LARGE1: variants seen among roughly 807,000 people sequenced by gnomAD.
LARGE1 encodes the protein xylosyl- and glucuronyltransferase LARGE1.
Under a neutral mutation model 87.6 loss-of-function variants are expected in LARGE1, and 43 were observed. The observed-to-expected ratio is 0.49, with a 90% CI of 0.38 to 0.63. The LOEUF (loss-of-function observed/expected upper bound fraction) is 0.63. Among genes scored for constraint, LARGE1 ranks in the 30% least tolerant of loss-of-function variants. The probability of loss-of-function intolerance (pLI) is 0.00; values close to 1 mark genes in which losing one functional copy is unlikely to be tolerated. For synonymous variants in LARGE1, 434 were observed against 394.6 expected, an observed-to-expected ratio of 1.10 and a Z score of -1.18; for missense variants, 802 against 1,000.2, an observed-to-expected ratio of 0.80 and a Z score of 2.67.
At chr22:33,267,725 G>A (rs1328218203), downstream of LARGE1, among the ~76,000 whole-genome samples, 2 of 151,246 alleles carry the variant, frequency 1.3e-5, no homozygotes, top group East Asian at 3.9e-4. Context: ...GCCTCTATGC[G>A]CTCCCATTGC....
chr22:33,524,153 T>C (rs1430400918), intron 6 of LARGE1, among the ~76,000 whole-genome samples: 3 of 151,904 alleles, frequency 2.0e-5, no homozygotes. Context: ...TAGCAGGGCG[T>C]GGTGGCACAC....
At chr22:33,653,262 T>C (rs1368231129) in intron 2 of LARGE1, among the ~76,000 whole-genome samples, 1 of 152,204 alleles carries the variant, frequency 6.6e-6, no homozygotes, top group Non-Finnish European at 1.5e-5. Flanking sequence ...GTAATAGTTA[T>C]CCCTATTACT....
intron 6 of LARGE1, among the ~76,000 whole-genome samples, chr22:33,441,986 T>C (rs2067496765): frequency 6.6e-6 from 1 of 152,116 alleles, no homozygotes; most frequent in Admixed American, 6.6e-5. Flanking sequence ...AGCCCTCCTT[T>C]CACTTGGAAA....
chr22:33,389,847 AAACC>A (rs143324200), intron 7 of LARGE1, among the ~76,000 whole-genome samples: 6,250 of 140,054 alleles, frequency 0.045, 149 homozygotes, highest in Non-Finnish European at 0.062. Flanking sequence ...TCAGTCTCAA[AAACC>A]AACCAACCAA....
At chr22:33,909,443 A>G (rs901582217) in intron 1 of LARGE1, among the ~76,000 whole-genome samples, 10 of 151,758 alleles carry the variant, frequency 6.6e-5, no homozygotes, top group Non-Finnish European at 1.5e-4. Context: ...CAGGGCCTTT[A>G]GCACACCACA....
At chr22:33,438,907 A>G (rs192309475) in intron 6 of LARGE1, among the ~76,000 whole-genome samples, 74 of 152,218 alleles carry the variant, frequency 4.9e-4, no homozygotes, top group African/African-American at 1.7e-3. Context: ...ATGGATATTG[A>G]GATCAGATTA....
chr22:33,881,682 C>A (rs2064688095), intron 1 of LARGE1, among the ~76,000 whole-genome samples: 1 of 152,164 alleles, frequency 6.6e-6, no homozygotes, highest in Non-Finnish European at 1.5e-5. Context: ...AGAATATAGA[C>A]CCATGGACCT....
intron 5 of LARGE1, among the ~76,000 whole-genome samples, chr22:33,569,475 T>C (rs1488151493): frequency 6.6e-6 from 1 of 152,206 alleles, no homozygotes; most frequent in Admixed American, 6.5e-5. Context: ...AGTGTTCAAT[T>C]AGTTGTAAAG....
At chr22:33,523,165 C>T (rs1185031972) in intron 6 of LARGE1, among the ~76,000 whole-genome samples, 2 of 151,790 alleles carry the variant, frequency 1.3e-5, no homozygotes, top group African/African-American at 4.8e-5. Flanking sequence ...CCAGCACACC[C>T]AGATAATTTT....
At chr22:33,719,582 A>G (rs951500411) in intron 2 of LARGE1, among the ~76,000 whole-genome samples, 2 of 151,690 alleles carry the variant, frequency 1.3e-5, no homozygotes, top group Non-Finnish European at 2.9e-5. Context: ...GTGTAGTGGC[A>G]CAGTCTCGGC....
chr22:33,708,748 G>A (rs1402335755), intron 2 of LARGE1, among the ~76,000 whole-genome samples: 1 of 152,186 alleles, frequency 6.6e-6, no homozygotes, highest in Non-Finnish European at 1.5e-5. Flanking sequence ...TTGCAGGCAT[G>A]TGCTACCACA....
chr22:33,143,814 C>T, the LARGE1 span, among the ~76,000 whole-genome samples: 1 of 152,162 alleles, frequency 6.6e-6, no homozygotes, highest in East Asian at 1.9e-4. Context: ...AGTACATAAA[C>T]AAGAGTATGA....
At chr22:33,251,282 T>A (rs560560327) in intron 11 of LARGE1, among the ~76,000 whole-genome samples, 60 of 152,326 alleles carry the variant, frequency 3.9e-4, no homozygotes, top group African/African-American at 1.3e-3. Context: ...ACGTGCCTCT[T>A]CTTTACTCCT....
At chr22:33,827,350 A>G (rs940950950) in intron 1 of LARGE1, among the ~76,000 whole-genome samples, 2 of 152,090 alleles carry the variant, frequency 1.3e-5, no homozygotes, top group Admixed American at 1.3e-4. Context: ...AGCCTGGGTG[A>G]CAGAGCAAGA....
At position 33,831,749 on chromosome 22, in the gene LARGE1, TACACACAC is replaced by T. The variant is rs5845118; in HGVS notation, c.-82-70199_-82-70192del. On this transcript the variant is annotated intron_variant, in intron 1 of 14. Coordinates refer to ENST00000397394, the MANE Select transcript of LARGE1 (RefSeq NM_133642.5). ...CTAACACAACACACACACATGCATG[TACACACAC>T]ACACACACACACACACACACACACA... Among the ~76,000 whole-genome samples the T allele has an allele frequency of 7.8e-4, 115 of 146,828 alleles. 1 individual carries two copies. The highest frequency in any genetic ancestry group is 6.9e-3 in the Middle Eastern group (2 of 288).
At chr22:33,213,323 T>C (rs915508323) in intron 11 of LARGE1, among the ~76,000 whole-genome samples, 5 of 152,216 alleles carry the variant, frequency 3.3e-5, no homozygotes, top group Non-Finnish European at 1.5e-5. Context: ...GCTGTGAACA[T>C]TGTTAAAATG....
At position 33,173,054 on chromosome 22, in the gene LARGE1, T is replaced by C. The variant is rs563393882; in HGVS notation, c.1731-6222A>G. On this transcript the variant is annotated intron_variant, in intron 11 of 11. Coordinates refer to the LARGE1 transcript ENST00000608642. ...AGAAGAGCAACCCCAAGACACATAA[T>C]CATCAGATTCACCAAGGTTGGAATG... Among the ~76,000 whole-genome samples, 3 of 152,008 alleles carry C rather than the reference T, an allele frequency of 2.0e-5. No homozygotes were observed. The East Asian group carries it at 5.8e-4, about 29-fold the overall frequency.
intron 2 of LARGE1, among the ~76,000 whole-genome samples, chr22:33,689,524 G>A (rs1223516099): frequency 3.3e-5 from 5 of 152,130 alleles, no homozygotes; most frequent in Admixed American, 3.3e-4. Flanking sequence ...AAAAGGAAAT[G>A]GGTACTGGGA....
chr22:33,761,597 C>T (rs1318202099), intron 1 of LARGE1, 39 bp from the exon 2 acceptor site: 9 of 771,938 alleles, frequency 1.2e-5, no homozygotes, highest in African/African-American at 3.4e-5. Context: ...GAGTTCTTAG[C>T]ACTGGAGATG....
Sources: allele counts gnomAD v4.1 joint callset (sites outside exome capture counted in the v4.1 genomes callset), GRCh38; gene constraint gnomAD v4.1.1; transcripts MANE v1.5; gene names NCBI Gene and HGNC (gene_info 2026-07-23, HGNC 2026-07-21).